The following EPRS1 variants were observed in gnomAD, a reference collection of about 807,000 sequenced individuals.
The protein encoded by EPRS1 is glutamyl-prolyl-tRNA synthetase 1.
A neutral mutation model predicts 188.3 loss-of-function variants in EPRS1; 107 were observed. The ratio of observed to expected loss-of-function variants is 0.57; its 90% CI spans 0.49 to 0.67. The LOEUF (loss-of-function observed/expected upper bound fraction) is 0.67, where lower values mean the gene tolerates loss of function less well. Among genes scored for constraint, EPRS1 ranks in the 30% least tolerant of loss-of-function variants. The pLI is 0.00. For synonymous variants in EPRS1, 596 were observed against 593.1 expected (o/e 1.00, Z -0.07); for missense variants, 1,577 against 1,802.2 (o/e 0.88, Z 2.26).
At chr1:220,014,829 C>T (rs887538967) in intron 12 of EPRS1, among the ~76,000 whole-genome samples, 9 of 152,186 alleles carry the variant, frequency 5.9e-5, no homozygotes, top group African/African-American at 2.2e-4. Context: ...ATAACCAAGG[C>T]TCTAACCAGA....
Position 219,979,407 on chromosome 1 carries a change from AT to A in EPRS1, c.3909+10del, listed in dbSNP as rs1660848857. On this transcript the variant is annotated intron_variant, in intron 27 of 31. Transcript: ENST00000366923. ...TATAAAATGAGTGATAAACAGGAAT[AT>A]TTTCCTTACCTGAACACATGCTACA... The A allele has an allele frequency of 6.3e-7, 1 of 1,591,014 alleles. No homozygotes were observed. Among genetic ancestry groups the A allele is most frequent in the Non-Finnish European group, 8.6e-7 (1 of 1,164,804 alleles).
At chr1:219,974,382 G>A (rs574128357) in intron 28 of EPRS1, among the ~76,000 whole-genome samples, 7 of 152,136 alleles carry the variant, frequency 4.6e-5, no homozygotes, top group African/African-American at 1.7e-4. Context: ...TTTACGACTT[G>A]GGAATGTTCA....
chr1:220,018,582 C>G, intron 11 of EPRS1, 74 bp from the exon 12 acceptor site: 1 of 708,614 alleles, frequency 1.4e-6, no homozygotes, highest in South Asian at 1.7e-5. Context: ...TCATGCTAAG[C>G]ATGTTTAGAA....
chr1:220,044,681 C>CAAAAAAAAAAAAAAA (rs71560597), intron 1 of EPRS1, among the ~76,000 whole-genome samples: 24 of 88,338 alleles, frequency 2.7e-4, no homozygotes, highest in African/African-American at 8.3e-4. Flanking sequence ...GCTCGGTCTC[C>CAAAAAAAAAAAAAAA]AAAAAAAAAA....
At chr1:219,973,504 A>C in intron 28 of EPRS1, 106 bp from the exon 29 acceptor site, 2 of 761,438 alleles carry the variant, frequency 2.6e-6, no homozygotes, top group Non-Finnish European at 3.8e-6. Context: ...AACCCAAAAA[A>C]CAAAGGCAAA....
At chr1:220,013,880 ACGG>A (rs1306484939) in intron 12 of EPRS1, among the ~76,000 whole-genome samples, 4 of 152,218 alleles carry the variant, frequency 2.6e-5, no homozygotes, top group Non-Finnish European at 4.4e-5. Context: ...TGTTTTAAAG[ACGG>A]TGTTTAATGA....
At chr1:220,008,055 C>T (rs1466237426) in intron 13 of EPRS1, among the ~76,000 whole-genome samples, 4 of 147,802 alleles carry the variant, frequency 2.7e-5, no homozygotes, top group East Asian at 2.0e-4. Context: ...TGCAGTGAGC[C>T]GAGATTGCAT....
chr1:220,026,166 T>C (rs894568597), intron 6 of EPRS1, among the ~76,000 whole-genome samples: 2 of 152,294 alleles, frequency 1.3e-5, no homozygotes, highest in South Asian at 2.1e-4. Context: ...TTTTGTTATA[T>C]AGGTAAACTC....
intron 28 of EPRS1, among the ~76,000 whole-genome samples, chr1:219,973,822 T>C (rs1351489853): frequency 6.6e-6 from 1 of 152,238 alleles, no homozygotes; most frequent in African/African-American, 2.4e-5. Flanking sequence ...TGAAAAGTCC[T>C]CATTCTGGGT....
chr1:220,029,832 G>C (rs112472525), intron 6 of EPRS1, among the ~76,000 whole-genome samples: 125 of 152,268 alleles, frequency 8.2e-4, no homozygotes, highest in African/African-American at 2.9e-3. Flanking sequence ...CCCCAGCCTG[G>C]TGATCACCAT....
chr1:220,010,176 A>G (rs1661572400), intron 13 of EPRS1, among the ~76,000 whole-genome samples: 1 of 152,006 alleles, frequency 6.6e-6, no homozygotes, highest in South Asian at 2.1e-4. Context: ...ATGACAGTGT[A>G]AGAGACTCTG....
intron 5 of EPRS1, among the ~76,000 whole-genome samples, chr1:220,031,502 T>A (rs1387878113): frequency 6.6e-6 from 1 of 152,218 alleles, no homozygotes; most frequent in Non-Finnish European, 1.5e-5. Flanking sequence ...ACAGGACTCG[T>A]TGAGTAAATG....
intron 5 of EPRS1, among the ~76,000 whole-genome samples, chr1:220,031,634 A>G (rs1327900632): frequency 6.6e-6 from 1 of 152,222 alleles, no homozygotes; most frequent in East Asian, 1.9e-4. Context: ...TTAAATCAAA[A>G]CTTTACAACA....
At chr1:219,969,173 T>C in intron 30 of EPRS1, 51 bp from the exon 31 acceptor site, 3 of 1,261,566 alleles carry the variant, frequency 2.4e-6, no homozygotes, top group Non-Finnish European at 2.3e-6. Flanking sequence ...TTCAATTCTA[T>C]TCTGCAGAAG....
At chr1:220,008,107 CAAAAAAAAAAAAAAAA>C (rs55642831) in intron 13 of EPRS1, among the ~76,000 whole-genome samples, 69 of 133,272 alleles carry the variant, frequency 5.2e-4, no homozygotes, top group Non-Finnish European at 5.3e-4. Context: ...ACTCCGTCAC[CAAAAAAAAAAAAAAAA>C]AAAAAAAAAA....
chr1:220,014,515 A>G (rs188985109), intron 12 of EPRS1, among the ~76,000 whole-genome samples: 20 of 152,294 alleles, frequency 1.3e-4, no homozygotes, highest in African/African-American at 4.3e-4. Flanking sequence ...AGGAAAGGGT[A>G]CTGCACGAGA....
At chr1:219,989,337 T>C (rs1461494993) in intron 18 of EPRS1, among the ~76,000 whole-genome samples, 1 of 151,314 alleles carries the variant, frequency 6.6e-6, no homozygotes, top group East Asian at 2.0e-4. Context: ...CACTTACCTA[T>C]ATATTTTAAT....
chr1:220,039,869 G>A (rs978836319), intron 2 of EPRS1, among the ~76,000 whole-genome samples: 4 of 152,198 alleles, frequency 2.6e-5, no homozygotes, highest in East Asian at 1.9e-4. Flanking sequence ...GGTGGCTCAC[G>A]TCTTTAACCC....
Position 220,010,761 on chromosome 1 carries a change from G to T in EPRS1, c.1605+185C>A, listed in dbSNP as rs186555402. On this transcript the variant is annotated intron_variant, in intron 13 of 31. Coordinates refer to ENST00000366923, the MANE Select transcript of EPRS1 (RefSeq NM_004446.3). The stretch of plus-strand genomic sequence containing the variant: ...GGAGGCAGGGGTTGCAGTGAGCCGA[G>T]ATCGCCCCACTGCACTCCAGCCTGG... Among the ~76,000 whole-genome samples, 45 of 148,856 alleles carry T rather than the reference G, an allele frequency of 3.0e-4. No individual in the cohort carries two copies. In the East Asian group the frequency reaches 8.7e-3, roughly 29 times the overall value.
Sources: gnomAD v4.1 joint callset for allele counts (sites outside exome capture counted in the v4.1 genomes callset) on GRCh38, gnomAD v4.1.1 for gene constraint, MANE v1.5 for transcripts, NCBI Gene and HGNC (gene_info 2026-07-23, HGNC 2026-07-21) for gene names.